The following FBXL7 variants were observed in gnomAD, a reference collection of about 807,000 sequenced individuals.
FBXL7 encodes the protein F-box and leucine rich repeat protein 7.
A neutral mutation model predicts 38.3 loss-of-function variants in FBXL7; 12 were observed. The ratio of observed to expected loss-of-function variants is 0.31; its 90% confidence interval spans 0.20 to 0.51. FBXL7 has a LOEUF of 0.51. FBXL7 is among the 20% of genes least tolerant of loss of function. The pLI is 0.98. For synonymous variants in FBXL7, 297 were observed against 300.9 expected (o/e 0.99, Z 0.13); for missense variants, 567 against 676.4 (o/e 0.84, Z 1.79).
chr5:15,936,511 G>T lies in FBXL7; in HGVS notation c.801G>T (p.Leu267Phe), dbSNP rs764521002. The T allele has an allele frequency of 6.2e-7, 1 of 1,613,522 alleles. No individual in the cohort carries two copies. The highest frequency in any genetic ancestry group is 1.7e-5 in the Admixed American group (1 of 60,032). The change falls in exon 4 of 4, where the codon TTG becomes TTT. Residue 267 changes from leucine to phenylalanine, a missense_variant. Leu to Phe is a conservative substitution (Grantham distance 22, BLOSUM62 0). Transcript: ENST00000504595. This position sits in a 1 kb window ranked among gnomAD's most constrained non-coding sequence, Gnocchi z 6.0. Reference sequence around the variant, plus strand: ...AGGCCTCCATTAAACTGTCACCCTTGCATGGCAAACAGATTTCCATCCGCT... The same window carrying T: ...AGGCCTCCATTAAACTGTCACCCTTTCATGGCAAACAGATTTCCATCCGCT... ...TREASIKLSP[L>F]HGKQISIRYL... is the part of the protein sequence containing the mutation.
At chr5:15,527,122 C>A (rs1737271930) in intron 1 of FBXL7, among the ~76,000 whole-genome samples, 1 of 152,186 alleles carries the variant, frequency 6.6e-6, no homozygotes, top group Admixed American at 6.5e-5. Context: ...TGTTTTGTTT[C>A]TCTCCATTTT....
At chr5:15,660,743 G>T (rs1013835411) in intron 2 of FBXL7, among the ~76,000 whole-genome samples, 1 of 152,104 alleles carries the variant, frequency 6.6e-6, no homozygotes, top group Non-Finnish European at 1.5e-5. Context: ...TAAGTTCATT[G>T]TTAATTTAAT....
intron 1 of FBXL7, among the ~76,000 whole-genome samples, chr5:15,593,620 AT>A (rs1739541333): frequency 6.6e-6 from 1 of 152,140 alleles, no homozygotes; most frequent in Non-Finnish European, 1.5e-5. Context: ...TTAATAGCTG[AT>A]TTTCCTAGCT....
chr5:15,528,433 G>C (rs759264428), intron 1 of FBXL7, among the ~76,000 whole-genome samples: 6 of 152,110 alleles, frequency 3.9e-5, no homozygotes, highest in Non-Finnish European at 7.3e-5. Context: ...CTGGAGACTG[G>C]GTAACTTATA....
At chr5:15,897,799 G>A (rs1741139937) in intron 2 of FBXL7, among the ~76,000 whole-genome samples, 1 of 152,158 alleles carries the variant, frequency 6.6e-6, no homozygotes, top group African/African-American at 2.4e-5. Flanking sequence ...AATTCAGCAG[G>A]CAATGCAAGA....
intron 2 of FBXL7, among the ~76,000 whole-genome samples, chr5:15,791,068 A>T (rs1419096412): frequency 7.8e-5 from 5 of 64,182 alleles, no homozygotes; most frequent in African/African-American, 1.5e-4. Flanking sequence ...TGAGTTGTGT[A>T]AAAGGGGGGG....
chr5:15,571,719 T>C (rs1738791845), intron 1 of FBXL7, among the ~76,000 whole-genome samples: 1 of 151,806 alleles, frequency 6.6e-6, no homozygotes, highest in African/African-American at 2.4e-5. Context: ...AAGGGAAGAG[T>C]GCTTGGAGGC....
At chr5:15,557,126 G>A (rs905354434) in intron 1 of FBXL7, among the ~76,000 whole-genome samples, 4 of 152,170 alleles carry the variant, frequency 2.6e-5, no homozygotes, top group African/African-American at 7.2e-5. Flanking sequence ...TTTTAGTAGA[G>A]ACGGGGTTTC....
At chr5:15,761,263 T>G (rs1736432516) in intron 2 of FBXL7, among the ~76,000 whole-genome samples, 1 of 152,166 alleles carries the variant, frequency 6.6e-6, no homozygotes. Flanking sequence ...CTTTTTCCTC[T>G]CTTTAAAAAT....
intron 2 of FBXL7, among the ~76,000 whole-genome samples, chr5:15,752,333 A>G (rs1375365479): frequency 9.0e-5 from 2 of 22,126 alleles, no homozygotes; most frequent in Non-Finnish European, 3.2e-4. Context: ...ATCTTGGGGG[A>G]AAAATGGAAG....
chr5:15,760,626 A>C (rs1285930996), intron 2 of FBXL7, among the ~76,000 whole-genome samples: 1 of 152,086 alleles, frequency 6.6e-6, no homozygotes, highest in Non-Finnish European at 1.5e-5. Flanking sequence ...CTAAGGGATG[A>C]AGCCTTCTGG....
chr5:15,534,444 C>T (rs1456871082), intron 1 of FBXL7, among the ~76,000 whole-genome samples: 1 of 152,120 alleles, frequency 6.6e-6, no homozygotes, highest in Non-Finnish European at 1.5e-5. Context: ...TGGCTTCTTT[C>T]ACTTAATAGT....
In FBXL7 at chr5:15,711,142, A is replaced by C. The variant is rs1042019913; in HGVS notation, c.127+95070A>C. ...TGTGTGGCCTTCCCAGCCACATGAAACTGTAAGTCCATTAAACTTATTTTG... is the reference window on the plus strand; with the variant it reads ...TGTGTGGCCTTCCCAGCCACATGAACCTGTAAGTCCATTAAACTTATTTTG... On this transcript the variant is annotated intron_variant, in intron 2 of 3. Coordinates refer to ENST00000504595, the MANE Select transcript of FBXL7 (RefSeq NM_012304.5). Among the ~76,000 whole-genome samples, 7 of 152,256 alleles carry C rather than the reference A, an allele frequency of 4.6e-5. No individual in the cohort carries two copies. The South Asian group carries it at 1.5e-3, about 32-fold the overall frequency.
intron 2 of FBXL7, among the ~76,000 whole-genome samples, chr5:15,753,802 T>C (rs908038947): frequency 1.3e-5 from 2 of 152,194 alleles, no homozygotes; most frequent in Non-Finnish European, 2.9e-5. Context: ...GTCTTACATT[T>C]ATTAGCATAT....
At chr5:15,633,589 G>T (rs982876644) in intron 2 of FBXL7, among the ~76,000 whole-genome samples, 2 of 151,134 alleles carry the variant, frequency 1.3e-5, no homozygotes, top group Non-Finnish European at 2.9e-5. Context: ...GTTTATACTC[G>T]GATGCATCTG....
intron 1 of FBXL7, among the ~76,000 whole-genome samples, chr5:15,536,940 C>T (rs1193389548): frequency 6.6e-6 from 1 of 152,088 alleles, no homozygotes; most frequent in African/African-American, 2.4e-5. Flanking sequence ...GTGATTGAAT[C>T]ATGGGGGTGA....
At chr5:15,800,383 G>A (rs1391874881) in intron 2 of FBXL7, among the ~76,000 whole-genome samples, 2 of 152,138 alleles carry the variant, frequency 1.3e-5, no homozygotes, top group East Asian at 1.9e-4. Flanking sequence ...CCTATCGCAC[G>A]TTCTGTCTTC....
At chr5:15,621,732 G>T (rs1041117889) in intron 2 of FBXL7, among the ~76,000 whole-genome samples, 11 of 152,144 alleles carry the variant, frequency 7.2e-5, no homozygotes, top group African/African-American at 2.7e-4. Flanking sequence ...AGTCAGCTTT[G>T]GCCAGCTGTT....
chr5:15,860,691 T>A (rs1739437849), intron 2 of FBXL7, among the ~76,000 whole-genome samples: 1 of 152,204 alleles, frequency 6.6e-6, no homozygotes, highest in South Asian at 2.1e-4. Flanking sequence ...TTCGTAGTTG[T>A]CAACAAATCC....
Sources: allele counts gnomAD v4.1 joint callset (sites outside exome capture counted in the v4.1 genomes callset), GRCh38; gene constraint gnomAD v4.1.1; non-coding constraint Gnocchi (gnomAD v3.1); transcripts MANE v1.5; gene names NCBI Gene and HGNC (gene_info 2026-07-23, HGNC 2026-07-21).